Variants in PADI2 observed in about 807,000 individuals in gnomAD.
PADI2 encodes peptidyl arginine deiminase 2, also known as protein-arginine deiminase type-2.
Under a neutral mutation model 81.1 loss-of-function variants are expected in PADI2, and 70 were observed. The ratio of observed to expected loss-of-function variants is 0.86; its 90% CI spans 0.71 to 1.05. The LOEUF (loss-of-function observed/expected upper bound fraction) is 1.05. Among genes scored for constraint, PADI2 ranks in the 50% least tolerant of loss-of-function variants. The probability of loss-of-function intolerance (pLI) is 0.00; values close to 1 mark genes in which losing one functional copy is unlikely to be tolerated. For synonymous variants in PADI2, 338 were observed against 358.0 expected, an observed-to-expected ratio of 0.94 and a Z score of 0.63; for missense variants, 853 against 889.9, an observed-to-expected ratio of 0.96 and a Z score of 0.53.
chr1:17,072,158 G>A (rs1457348406), intron 13 of PADI2, among the ~76,000 whole-genome samples: 1 of 152,194 alleles, frequency 6.6e-6, no homozygotes, highest in Non-Finnish European at 1.5e-5. Context: ...TCTAGCAAGC[G>A]GCAGAGTTGG....
intron 11 of PADI2, 137 bp downstream of exon 11, chr1:17,079,127 C>T (rs1159167295): frequency 1.5e-6 from 1 of 653,284 alleles, no homozygotes; most frequent in Non-Finnish European, 2.6e-6. Flanking sequence ...AGAGTGTCGG[C>T]CTCTTAACAG....
At chr1:17,074,812 G>A (rs758811759) in intron 13 of PADI2, 44 bp downstream of exon 13, 1 of 1,268,252 alleles carries the variant, frequency 7.9e-7, no homozygotes, top group East Asian at 2.4e-5. Context: ...TCTCTCTGGG[G>A]CCTCCAGCTC....
At chr1:17,104,452 T>TTTTTTTTTAG in intron 2 of PADI2, among the ~76,000 whole-genome samples, 1 of 125,236 alleles carries the variant, frequency 8.0e-6, no homozygotes, top group South Asian at 2.9e-4. Flanking sequence ...TTTTTTTTTT[T>TTTTTTTTTAG]GAGACGGAGT....
In PADI2 at chr1:17,104,959, G is replaced by T; in HGVS notation, c.195C>A (p.Gly65=). Residue 65 remains glycine (G), a synonymous_variant, in exon 2 of 16, where the codon GGC becomes GGA. Transcript: ENST00000375486. ...TGGGCGAGAGAAGCCAGCGCTGCTTGCCATTGGTGGCCACCTCCTCAGCCT... is the reference window on the plus strand; with the variant it reads ...TGGGCGAGAGAAGCCAGCGCTGCTTTCCATTGGTGGCCACCTCCTCAGCCT... ...DGEAEEVATN[G]KQRWLLSPST... is the part of the protein sequence containing the mutation. 6.2e-7 allele frequency: 1 copy of T among 1,609,544 alleles called. No homozygotes were observed.
rs2078243779 is a variant in PADI2 at position 17,068,833 on chromosome 1, C to G, written c.*211G>C. 1 of 589,330 alleles carries G rather than the reference C, an allele frequency of 1.7e-6. No homozygotes were observed. Among genetic ancestry groups the G allele is most frequent in the Non-Finnish European group, 3.0e-6 (1 of 330,200 alleles). The allele number at this position is 589,330 out of a possible 1,614,324, so 36.5% of individuals were successfully genotyped here. ...GAGACACTGGCCCAGCTATTTTCAGCAGGGACAGAGTCGAGGCTCACTGGG... is the reference window on the plus strand; with the variant it reads ...GAGACACTGGCCCAGCTATTTTCAGGAGGGACAGAGTCGAGGCTCACTGGG... On this transcript the variant is annotated 3_prime_UTR_variant, in exon 16 of 16. Transcript: ENST00000375486.
intron 3 of PADI2, among the ~76,000 whole-genome samples, chr1:17,101,045 G>T (rs79531352): frequency 0.015 from 2,309 of 152,014 alleles, 64 homozygotes; most frequent in African/African-American, 0.054. Flanking sequence ...GGGGGTGGGG[G>T]CAGGGGACAT....
chr1:17,104,445 T>TTTTTTTTTTTTTTTA (rs1931275749), intron 2 of PADI2, among the ~76,000 whole-genome samples: 1 of 93,516 alleles, frequency 1.1e-5, no homozygotes, highest in African/African-American at 4.1e-5. Context: ...TTTTTTTTTT[T>TTTTTTTTTTTTTTTA]TTTTTTTGAG....
chr1:17,090,427 C>T (rs1441387301), intron 6 of PADI2, among the ~76,000 whole-genome samples: 1 of 152,230 alleles, frequency 6.6e-6, no homozygotes, highest in Non-Finnish European at 1.5e-5. Context: ...GTCTCCAACC[C>T]AGCCCCCTGG....
At chr1:17,116,176 C>T (rs950642490) in intron 1 of PADI2, among the ~76,000 whole-genome samples, 55 of 152,200 alleles carry the variant, frequency 3.6e-4, no homozygotes, top group African/African-American at 1.3e-3. Flanking sequence ...TCACACAGCC[C>T]GTGGATGGAA....
At chr1:17,100,949 C>T (rs1931122121) in intron 3 of PADI2, among the ~76,000 whole-genome samples, 1 of 151,992 alleles carries the variant, frequency 6.6e-6, no homozygotes, top group Admixed American at 6.6e-5. Flanking sequence ...CGTGAGACAC[C>T]GCGCCTGGCC....
At chr1:17,103,995 C>CA in intron 2 of PADI2, among the ~76,000 whole-genome samples, 1 of 151,390 alleles carries the variant, frequency 6.6e-6, no homozygotes, top group African/African-American at 2.4e-5. Flanking sequence ...TAAAAACAAA[C>CA]AAACAGGCCG....
intron 10 of PADI2, among the ~76,000 whole-genome samples, chr1:17,079,914 C>G (rs1412962864): frequency 6.6e-6 from 1 of 151,970 alleles, no homozygotes; most frequent in Non-Finnish European, 1.5e-5. Flanking sequence ...CTGCCTCAGC[C>G]TCCCCAGTGG....
chr1:17,071,592 G>A, intron 13 of PADI2, 101 bp from the exon 14 acceptor site: 1 of 889,368 alleles, frequency 1.1e-6, no homozygotes, highest in Non-Finnish European at 1.8e-6. Context: ...CTGCTGGACT[G>A]GGACTGGGGA....
intron 9 of PADI2, 97 bp from the exon 10 acceptor site, chr1:17,082,749 G>A (rs918095327): frequency 5.6e-6 from 4 of 714,638 alleles, no homozygotes; most frequent in Non-Finnish European, 9.7e-6. Context: ...AAAGGAAGAA[G>A]AACGTCTGTC....
intron 6 of PADI2, among the ~76,000 whole-genome samples, chr1:17,091,323 C>A (rs1361395002): frequency 6.6e-6 from 1 of 150,508 alleles, no homozygotes; most frequent in Non-Finnish European, 1.5e-5. Context: ...CCTCCCGCCA[C>A]CCCACGACCC....
At chr1:17,092,596 C>T (rs955405166) in intron 5 of PADI2, 63 bp from the exon 6 acceptor site, 9 of 1,433,922 alleles carry the variant, frequency 6.3e-6, no homozygotes, top group Non-Finnish European at 8.4e-6. Flanking sequence ...CTTCCCAATG[C>T]CTTTTACTTT....
At chr1:17,089,382 C>T (rs1930591428) in intron 6 of PADI2, among the ~76,000 whole-genome samples, 1 of 152,212 alleles carries the variant, frequency 6.6e-6, no homozygotes, top group Non-Finnish European at 1.5e-5. Flanking sequence ...CCAGGCTGCA[C>T]TTGAACTGAT....
chr1:17,098,947 G>T (rs1406570550), intron 3 of PADI2, among the ~76,000 whole-genome samples: 1 of 152,214 alleles, frequency 6.6e-6, no homozygotes, highest in Non-Finnish European at 1.5e-5. Context: ...GGAGGGAGAG[G>T]AGCTCTGCTT....
At chr1:17,071,279 C>A in intron 14 of PADI2, 127 bp downstream of exon 14, 1 of 658,644 alleles carries the variant, frequency 1.5e-6, no homozygotes, top group Non-Finnish European at 2.7e-6. Context: ...CTTCCCTGTG[C>A]TGCTGTGCTC....
Sources: gnomAD v4.1 joint callset for allele counts (sites outside exome capture counted in the v4.1 genomes callset) on GRCh38, gnomAD v4.1.1 for gene constraint, MANE v1.5 for transcripts, NCBI Gene and HGNC (gene_info 2026-07-23, HGNC 2026-07-21) for gene names.